GPHN: variants seen among roughly 807,000 people sequenced by gnomAD.
GPHN encodes gephyrin.
Under a neutral mutation model 95.5 loss-of-function variants are expected in GPHN, and 17 were observed. The ratio of observed to expected loss-of-function variants is 0.18; its 90% CI spans 0.12 to 0.27. GPHN has a LOEUF of 0.27. Ranked by LOEUF, GPHN falls within the 10% of genes least tolerant of loss-of-function variation. The pLI, the probability that GPHN is intolerant of heterozygous loss-of-function variation, is 1.00. For missense variants in GPHN, 660 were observed against 978.1 expected (o/e 0.67, Z 4.34); for synonymous variants, 320 against 322.5 (o/e 0.99, Z 0.08).
At chr14:66,729,514 G>C (rs958611274) in intron 2 of GPHN, among the ~76,000 whole-genome samples, 2 of 152,162 alleles carry the variant, frequency 1.3e-5, no homozygotes, top group Admixed American at 6.5e-5. Context: ...TCTACGAGTA[G>C]TTGCCTGAGG....
At chr14:67,463,156 C>T in the GPHN span, among the ~76,000 whole-genome samples, 5 of 152,210 alleles carry the variant, frequency 3.3e-5, no homozygotes, top group African/African-American at 1.2e-4. Flanking sequence ...TGGTGGCTCA[C>T]ACCTGTAATC....
chr14:67,279,617 G>T, the GPHN span: 2 of 1,333,610 alleles, frequency 1.5e-6, no homozygotes, highest in Non-Finnish European at 1.0e-6. Flanking sequence ...GAAGGAAGAG[G>T]GTTTAAGAGA....
chr14:67,142,031 T>TA (rs1397087314), intron 17 of GPHN, among the ~76,000 whole-genome samples: 2 of 152,194 alleles, frequency 1.3e-5, no homozygotes, highest in Non-Finnish European at 2.9e-5. Context: ...GATACAAGGT[T>TA]ATCTCATAGA....
chr14:66,794,730 A>G (rs190821571), intron 3 of GPHN, among the ~76,000 whole-genome samples: 2 of 152,300 alleles, frequency 1.3e-5, no homozygotes, highest in Admixed American at 1.3e-4. Context: ...CTACTTTGGT[A>G]ATTATTAACA....
At chr14:67,198,348 G>C in the GPHN span, 42 of 1,588,064 alleles carry the variant, frequency 2.6e-5, 1 homozygote, top group South Asian at 4.7e-4. Flanking sequence ...CCTGAGTTAA[G>C]TTCCAATAAC....
At chr14:67,668,665 A>AC in the GPHN span, among the ~76,000 whole-genome samples, 1 of 151,886 alleles carries the variant, frequency 6.6e-6, no homozygotes, top group Non-Finnish European at 1.5e-5. Flanking sequence ...CACAGTGAAA[A>AC]AAAGACAACA....
the GPHN span, among the ~76,000 whole-genome samples, chr14:67,423,126 C>T: frequency 5.3e-5 from 8 of 152,088 alleles, no homozygotes; most frequent in East Asian, 1.9e-4. Context: ...AGCCACCGAG[C>T]GGTGGCCGGT....
intron 1 of GPHN, among the ~76,000 whole-genome samples, chr14:66,572,191 T>A (rs146421930): frequency 3.9e-5 from 6 of 152,340 alleles, no homozygotes; most frequent in Non-Finnish European, 8.8e-5. Context: ...GGCAATATGA[T>A]GCATCTAGCT....
chr14:67,139,634 C>T (rs1255941568), intron 17 of GPHN, among the ~76,000 whole-genome samples: 1 of 152,120 alleles, frequency 6.6e-6, no homozygotes, highest in Non-Finnish European at 1.5e-5. Flanking sequence ...ATAGTAATAC[C>T]TTTTCAGTCT....
chr14:67,393,223 C>T, the GPHN span: 1 of 1,613,676 alleles, frequency 6.2e-7, no homozygotes, highest in Non-Finnish European at 8.5e-7. Context: ...TGCTATCGTG[C>T]ATCTTGTCCA....
In GPHN at chr14:67,179,598, T is replaced by G. The variant is rs1363080279; in HGVS notation, c.2100T>G (p.Leu700=). ...TGTAGTTATCATGTGATGTAAAACT[T>G]GATCCTCGTCCAGAATACCATCGGT... is the stretch of plus-strand genomic sequence containing the variant. The part of the protein sequence containing the change: ...IKARLSCDVK[L]DPRPEYHRCI... The change falls in exon 22 of 23, where the codon CTT becomes CTG. Residue 700 remains leucine, a synonymous_variant. Transcript: ENST00000478722. The G allele has an allele frequency of 1.4e-5, 23 of 1,604,364 alleles. No individual in the cohort carries two copies. The highest frequency in any genetic ancestry group is 1.9e-5 in the Non-Finnish European group (22 of 1,171,112).
At chr14:67,203,316 T>C in the GPHN span, 1 of 1,534,102 alleles carries the variant, frequency 6.5e-7, no homozygotes, top group South Asian at 1.2e-5. Flanking sequence ...GAGAAGAGGT[T>C]AAAGATCTCT....
At chr14:67,592,409 G>A in the GPHN span, 1 of 504,894 alleles carries the variant, frequency 2.0e-6, no homozygotes, top group East Asian at 3.5e-5. Context: ...CTGCACTCCA[G>A]CCTAGGTGAC....
intron 9 of GPHN, among the ~76,000 whole-genome samples, chr14:67,019,590 A>AT (rs769053146): frequency 3.3e-5 from 5 of 152,296 alleles, no homozygotes; most frequent in South Asian, 2.1e-4. Context: ...ACATTCTTAT[A>AT]TTGTTATGAA....
chr14:67,320,409 T>C, the GPHN span: 3 of 1,581,130 alleles, frequency 1.9e-6, no homozygotes, highest in African/African-American at 4.1e-5. Flanking sequence ...TAAGTTTGAA[T>C]GCATTCCCAT....
intron 8 of GPHN, among the ~76,000 whole-genome samples, chr14:66,950,442 T>G: frequency 6.6e-6 from 1 of 152,192 alleles, no homozygotes; most frequent in Non-Finnish European, 1.5e-5. Flanking sequence ...TCTTATTATA[T>G]TAAAGGCCAT....
At chr14:67,246,990 A>T in the GPHN span, among the ~76,000 whole-genome samples, 1 of 150,926 alleles carries the variant, frequency 6.6e-6, no homozygotes, top group African/African-American at 2.4e-5. Flanking sequence ...AGGTAATGTG[A>T]CTCTTCCACT....
chr14:66,610,260 CGATA>C (rs1312073667), intron 1 of GPHN, among the ~76,000 whole-genome samples: 3 of 152,020 alleles, frequency 2.0e-5, no homozygotes, highest in Non-Finnish European at 4.4e-5. Context: ...GTATAATGGC[CGATA>C]GATAGGCTTT....
chr14:67,342,215 AAATAAAAT>A, the GPHN span, among the ~76,000 whole-genome samples: 3 of 105,232 alleles, frequency 2.9e-5, no homozygotes, highest in African/African-American at 1.9e-4. Context: ...TAAATAAATA[AAATAAAAT>A]AAAAAAAAAC....
Sources: allele counts gnomAD v4.1 joint callset (sites outside exome capture counted in the v4.1 genomes callset), GRCh38; gene constraint gnomAD v4.1.1; transcripts MANE v1.5; gene names NCBI Gene and HGNC (gene_info 2026-07-23, HGNC 2026-07-21).